DMXL1: variants seen among roughly 807,000 people sequenced by gnomAD.
The protein encoded by DMXL1 is dmX-like protein 1.
A neutral mutation model predicts 319.2 loss-of-function variants in DMXL1; 99 were observed. The ratio of observed to expected loss-of-function variants is 0.31; its 90% CI spans 0.26 to 0.37. The LOEUF (loss-of-function observed/expected upper bound fraction) is 0.37, where lower values mean the gene tolerates loss of function less well. Among genes scored for constraint, DMXL1 ranks in the 10% least tolerant of loss-of-function variants. The pLI, the probability that DMXL1 is intolerant of heterozygous loss-of-function variation, is 1.00. For missense variants in DMXL1, 3,745 were observed against 3,595.6 expected (o/e 1.04, Z -1.06); for synonymous variants, 1,385 against 1,235.2 (o/e 1.12, Z -2.54).
chr5:119,141,966 C>T (rs187437175), intron 13 of DMXL1, among the ~76,000 whole-genome samples: 2 of 152,090 alleles, frequency 1.3e-5, no homozygotes, highest in African/African-American at 2.4e-5. Flanking sequence ...GACCACACAC[C>T]TACAACTGTC....
rs190883000 is a variant in DMXL1, at chr5:119,114,858, C to T, written c.564+317C>T. Among the ~76,000 whole-genome samples the T allele has an allele frequency of 2.9e-3, 446 of 152,180 alleles. 1 individual carries two copies. Among genetic ancestry groups the T allele is most frequent in the African/African-American group, 0.01 (420 of 41,528 alleles). ...TAATTTTTGTATTTTTTAATAGAGACGGGATTTCACCATATTGGCCAGGCT... is the reference window on the plus strand; with the variant it reads ...TAATTTTTGTATTTTTTAATAGAGATGGGATTTCACCATATTGGCCAGGCT... On this transcript the variant is annotated intron_variant, in intron 6 of 43. Coordinates refer to ENST00000539542, the MANE Select transcript of DMXL1 (RefSeq NM_001290321.3).
At chr5:119,151,719 G>C (rs981525193) in intron 18 of DMXL1, among the ~76,000 whole-genome samples, 1 of 152,110 alleles carries the variant, frequency 6.6e-6, no homozygotes, top group Non-Finnish European at 1.5e-5. Context: ...AAGAGTATCA[G>C]ATTCTCTTTA....
rs1350126020 is a variant in DMXL1, at chr5:119,203,177, A to G, written c.7746-142A>G. The G allele has an allele frequency of 5.9e-6, 3 of 510,470 alleles. No homozygotes were observed. The African/African-American group carries it at 5.9e-5, about 10-fold the overall frequency. 31.6% of individuals were successfully genotyped at this position (510,470 alleles called of 1,614,324 possible). A position where few individuals can be genotyped will look rare whatever the true frequency, so the allele number is the denominator to read the frequency against. On this transcript the variant is annotated intron_variant, in intron 32 of 43. Transcript: ENST00000539542. ...TCCTTTAAGGAAATCCTTTAAGGAA[A>G]AGGTTGGCCATATGATCTGCCTCCA...
intron 28 of DMXL1, among the ~76,000 whole-genome samples, chr5:119,183,222 G>A (rs1030719324): frequency 6.6e-6 from 1 of 152,138 alleles, no homozygotes; most frequent in African/African-American, 2.4e-5. Flanking sequence ...TATAAAACTT[G>A]TGTAAAAACA....
chr5:119,169,607 A>C lies in DMXL1; in HGVS notation c.5399-583A>C, dbSNP rs1381113793. ...GTTTGGGTCAAGGGCACACTAAATA[A>C]AAAGGCCCCAAAGCAAGAGTTTATA... On this transcript the variant is annotated intron_variant, in intron 23 of 43. Coordinates refer to ENST00000539542, the MANE Select transcript of DMXL1 (RefSeq NM_001290321.3). Among the ~76,000 whole-genome samples, 6 of 152,318 alleles carry C rather than the reference A, an allele frequency of 3.9e-5. No individual in the cohort carries two copies. In the East Asian group the frequency reaches 1.2e-3, roughly 29 times the overall value.
At chr5:119,128,305 A>G (rs1042270647) in intron 9 of DMXL1, 2 of 294,490 alleles carry the variant, frequency 6.8e-6, no homozygotes, top group Admixed American at 3.7e-5. Context: ...TATGAATTCC[A>G]ACCCTCTCTT....
At chr5:119,235,973 A>G (rs963847956) in intron 39 of DMXL1, among the ~76,000 whole-genome samples, 2 of 152,140 alleles carry the variant, frequency 1.3e-5, no homozygotes, top group Non-Finnish European at 2.9e-5. Context: ...AAGATAAACT[A>G]GAAAAAGGAA....
At chr5:119,228,470 C>T (rs952302014) in intron 38 of DMXL1, among the ~76,000 whole-genome samples, 1 of 152,106 alleles carries the variant, frequency 6.6e-6, no homozygotes, top group Non-Finnish European at 1.5e-5. Context: ...TAACATTATA[C>T]AAGGACACAT....
intron 1 of DMXL1, among the ~76,000 whole-genome samples, chr5:119,088,315 C>T (rs534877926): frequency 6.6e-6 from 1 of 152,260 alleles, no homozygotes; most frequent in Non-Finnish European, 1.5e-5. Context: ...TCTTCCACCC[C>T]TTTACTTTCA....
chr5:119,126,191 G>A (rs1763529376), intron 9 of DMXL1, among the ~76,000 whole-genome samples: 1 of 152,158 alleles, frequency 6.6e-6, no homozygotes, highest in African/African-American at 2.4e-5. Flanking sequence ...GCTGAGGCAG[G>A]AGAATCGCTT....
At chr5:119,206,925 A>G in intron 34 of DMXL1, 29 bp downstream of exon 34, 1 of 1,359,658 alleles carries the variant, frequency 7.4e-7, no homozygotes, top group East Asian at 2.5e-5. Context: ...CTGAAATTAA[A>G]AATTGCATTC....
intron 2 of DMXL1, among the ~76,000 whole-genome samples, chr5:119,100,969 G>A (rs566649320): frequency 2.6e-5 from 4 of 151,658 alleles, no homozygotes; most frequent in Admixed American, 6.6e-5. Flanking sequence ...TTTTAGTAAA[G>A]ACGGGGTTTC....
chr5:119,196,575 G>A lies in DMXL1; in HGVS notation c.7543+119G>A. The stretch of plus-strand genomic sequence containing the variant: ...GAAAATTTAGTGATTTCCTGTTACA[G>A]AAGTTAGATTTCTTTTAACTAAACC... On this transcript the variant is annotated intron_variant, in intron 31 of 43. Transcript: ENST00000539542. The A allele has an allele frequency of 4.4e-6, 3 of 687,998 alleles. No homozygotes were observed. The East Asian group carries it at 8.0e-5, about 18-fold the overall frequency. 42.6% of individuals were successfully genotyped at this position (687,998 alleles called of 1,614,324 possible). A position where few individuals can be genotyped will look rare whatever the true frequency, so the allele number is the denominator to read the frequency against.
rs1305561997 is a variant in DMXL1 at position 119,173,797 on chromosome 5, T to TATATATATATAA, written c.6682-1463_6682-1462insTATATATATAAA. Among the ~76,000 whole-genome samples the TATATATATATAA allele has an allele frequency of 4.6e-5, 6 of 130,758 alleles. 1 individual carries two copies. The highest frequency in any genetic ancestry group is 2.4e-4 in the Admixed American group (3 of 12,496). The allele number at this position is 130,758 out of a possible 152,430, so 85.8% of individuals were successfully genotyped here. Reference sequence around the variant, plus strand: ...GTGTGTATATATATATATATATATATAATGAGAGAGAGATTTATTATAAGG... The same window carrying TATATATATATAA: ...GTGTGTATATATATATATATATATATATATATATATAAAATGAGAGAGAGATTTATTATAAGG... On this transcript the variant is annotated intron_variant, in intron 25 of 43. Transcript: ENST00000539542.
intron 38 of DMXL1, among the ~76,000 whole-genome samples, chr5:119,232,788 A>T (rs186823858): frequency 1.5e-3 from 230 of 151,982 alleles, no homozygotes; most frequent in Non-Finnish European, 2.9e-3. Context: ...AGCCTTGGCA[A>T]CACTGCAAGA....
intron 4 of DMXL1, among the ~76,000 whole-genome samples, chr5:119,106,457 A>G (rs990941099): frequency 1.8e-4 from 27 of 152,326 alleles, no homozygotes; most frequent in South Asian, 1.0e-3. Flanking sequence ...GAAGGCACAG[A>G]GAGAGAAAGC....
Position 119,147,298 on chromosome 5 carries a change from A to C in DMXL1, c.2739A>C (p.Glu913Asp), listed in dbSNP as rs1328112010. The C allele has an allele frequency of 1.2e-6, 2 of 1,613,586 alleles. No homozygotes were observed. Among genetic ancestry groups the C allele is most frequent in the Non-Finnish European group, 1.7e-6 (2 of 1,179,726 alleles). Residue 913 changes from glutamate to aspartate, a missense_variant, in exon 17 of 44, where the codon GAA (glutamate) becomes GAC (aspartate). By Grantham distance (45) the Glu-to-Asp change is conservative. This residue lies in a region of DMXL1 where 2,096 missense variants were observed against 1,985.4 expected (regional missense o/e 1.06). Coordinates refer to ENST00000539542, the MANE Select transcript of DMXL1 (RefSeq NM_001290321.3). ...CCGAAGCGGTTTGGCAGCCAGAAGA[A>C]CATTATTCTTCTTCTCCAGAGAAGA... is the stretch of plus-strand genomic sequence containing the variant. ...KLSEAVWQPE[E>D]HYSSSPEKIL...
intron 28 of DMXL1, among the ~76,000 whole-genome samples, chr5:119,179,266 A>C (rs1279956563): frequency 6.7e-6 from 1 of 149,618 alleles, no homozygotes; most frequent in Non-Finnish European, 1.5e-5. Context: ...ATTTCATTCT[A>C]TATTGGTGTT....
At chr5:119,244,619 C>G in intron 43 of DMXL1, 43 bp downstream of exon 43, 1 of 1,468,234 alleles carries the variant, frequency 6.8e-7, no homozygotes, top group South Asian at 1.2e-5. Context: ...ATGAAATCTT[C>G]AGAAACCTTA....
Sources: allele counts gnomAD v4.1 joint callset (sites outside exome capture counted in the v4.1 genomes callset), GRCh38; gene constraint gnomAD v4.1.1; regional missense constraint gnomAD v4.1.1; transcripts MANE v1.5; gene names NCBI Gene and HGNC (gene_info 2026-07-23, HGNC 2026-07-21).